The following ST7 variants were observed in gnomAD, a reference collection of about 807,000 sequenced individuals.
ST7 encodes suppressor of tumorigenicity 7 protein.
In ST7, 28 loss-of-function variants were observed where a neutral mutation model predicts 78.7. The observed-to-expected ratio is 0.36, with a 90% CI of 0.26 to 0.49. ST7 has a LOEUF of 0.49. ST7 is among the 20% of genes least tolerant of loss of function. The probability of loss-of-function intolerance (pLI) is 0.99; values close to 1 mark genes in which losing one functional copy is unlikely to be tolerated. For synonymous variants in ST7, 247 were observed against 249.6 expected (o/e 0.99, Z 0.10); for missense variants, 418 against 696.0 (o/e 0.60, Z 4.49).
chr7:117,103,908 A>G (rs544823563), intron 2 of ST7, among the ~76,000 whole-genome samples: 10 of 152,350 alleles, frequency 6.6e-5, no homozygotes, highest in African/African-American at 2.2e-4. Flanking sequence ...ACCGCAAATA[A>G]TCCAATTATA....
At chr7:117,204,345 C>G (rs1375332736) in intron 12 of ST7, among the ~76,000 whole-genome samples, 1 of 152,130 alleles carries the variant, frequency 6.6e-6, no homozygotes, top group East Asian at 1.9e-4. Flanking sequence ...AAATTAAAAC[C>G]AGCAAGGTGT....
intron 9 of ST7, among the ~76,000 whole-genome samples, chr7:117,166,898 A>T (rs944543849): frequency 6.6e-6 from 1 of 151,974 alleles, no homozygotes; most frequent in Non-Finnish European, 1.5e-5. Context: ...CTCAAAAAAA[A>T]AAAAGCCTTT....
At chr7:117,027,756 T>C (rs2116118051) in intron 1 of ST7, among the ~76,000 whole-genome samples, 1 of 152,194 alleles carries the variant, frequency 6.6e-6, no homozygotes, top group African/African-American at 2.4e-5. Context: ...CACCAGTCTG[T>C]GTCACATTAT....
chr7:117,147,925 T>A (rs1397730341), intron 9 of ST7, among the ~76,000 whole-genome samples: 3 of 152,152 alleles, frequency 2.0e-5, no homozygotes, highest in African/African-American at 7.2e-5. Context: ...TGGGGAGAAT[T>A]TATGGTCACT....
At chr7:116,959,560 C>T (rs1434915336) in intron 1 of ST7, 1 of 238,106 alleles carries the variant, frequency 4.2e-6, no homozygotes, top group Non-Finnish European at 8.2e-6. Context: ...TACAATTGAT[C>T]AAATGCATTA....
Position 117,188,269 on chromosome 7 carries a change from G to C in ST7, c.1079-1052G>C, listed in dbSNP as rs146319873. Among the ~76,000 whole-genome samples, 344 of 152,188 alleles carry C rather than the reference G, an allele frequency of 2.3e-3. 3 individuals carry two copies. The highest frequency in any genetic ancestry group is 7.5e-3 in the African/African-American group (312 of 41,534). On this transcript the variant is annotated intron_variant, in intron 10 of 15. Coordinates refer to ENST00000323984, the MANE Select transcript of ST7 (RefSeq NM_001369598.1). ...TTCTATTTTTCATTTCTACTTTACTGTAATCCTTTCTAAGTTGAAAACAGC... is the reference window on the plus strand; with the variant it reads ...TTCTATTTTTCATTTCTACTTTACTCTAATCCTTTCTAAGTTGAAAACAGC...
Position 117,190,371 on chromosome 7 carries a change from A to G in ST7, c.1152-463A>G, listed in dbSNP as rs1344361671. ...ACCCTCTGCCGGAATGGCCCCAAGC[A>G]GGCTCGCCTGCTGCTGAAGCTGCAA... On this transcript the variant is annotated intron_variant, in intron 11 of 15. Transcript: ENST00000323984. The surrounding 1 kb of genome is among the most constrained non-coding windows in gnomAD (Gnocchi z 5.2). The G allele has an allele frequency of 5.9e-6, 1 of 170,268 alleles. No individual in the cohort carries two copies. Among genetic ancestry groups the G allele is most frequent in the Non-Finnish European group, 1.4e-5 (1 of 71,122 alleles). The allele number at this position is 170,268 out of a possible 1,614,324, so 10.5% of individuals were successfully genotyped here. A position where few individuals can be genotyped will look rare whatever the true frequency, so the allele number is the denominator to read the frequency against.
intron 9 of ST7, among the ~76,000 whole-genome samples, chr7:117,150,361 A>G (rs1806152481): frequency 6.6e-6 from 1 of 152,090 alleles, no homozygotes; most frequent in Non-Finnish European, 1.5e-5. Context: ...TAAGCTTTAC[A>G]TTGCCTAAAA....
intron 1 of ST7, among the ~76,000 whole-genome samples, chr7:117,032,387 T>C (rs1796648639): frequency 6.6e-6 from 1 of 152,070 alleles, no homozygotes; most frequent in Admixed American, 6.6e-5. Context: ...ATTAGAAAGG[T>C]CTGAATTTAT....
chr7:117,218,590 C>G (rs966582517), intron 13 of ST7, among the ~76,000 whole-genome samples: 1 of 152,108 alleles, frequency 6.6e-6, no homozygotes, highest in Non-Finnish European at 1.5e-5. Context: ...TGTTTTTATT[C>G]ATCTTGATTG....
At chr7:117,221,809 TCCCA>T in intron 14 of ST7, 110 bp from the exon 15 acceptor site, 1 of 1,226,374 alleles carries the variant, frequency 8.2e-7, no homozygotes, top group Non-Finnish European at 1.1e-6. Flanking sequence ...TTTTTTCATT[TCCCA>T]TAGGCTTCCA....
intron 10 of ST7, among the ~76,000 whole-genome samples, chr7:117,186,980 A>C (rs998730705): frequency 1.3e-5 from 2 of 152,226 alleles, no homozygotes; most frequent in Non-Finnish European, 2.9e-5. Context: ...TATATTGCCT[A>C]AGTGCTCTGC....
chr7:117,132,171 T>C (rs573891328), intron 6 of ST7, among the ~76,000 whole-genome samples: 33 of 151,930 alleles, frequency 2.2e-4, no homozygotes, highest in African/African-American at 7.7e-4. Flanking sequence ...TCAATGGCTT[T>C]GCTGTGATCC....
intron 1 of ST7, among the ~76,000 whole-genome samples, chr7:117,037,812 G>A (rs1387125002): frequency 6.6e-6 from 1 of 152,160 alleles, no homozygotes; most frequent in East Asian, 1.9e-4. Context: ...CAACCTGTAA[G>A]CTCTCTTCTC....
rs558832568 is a variant in ST7, at chr7:117,150,913, C to T, written c.963+12381C>T. ...CACATTACATCTACTTAGTTGCTCA[C>T]GTGAAAAACCTAGGAGTTATCCTTG... On this transcript the variant is annotated intron_variant, in intron 9 of 15. Coordinates refer to ENST00000323984, the MANE Select transcript of ST7 (RefSeq NM_001369598.1). 3.3e-5 allele frequency among the ~76,000 whole-genome samples: 5 copies of T among 152,332 alleles called. No homozygotes were observed. The South Asian group carries it at 6.2e-4, about 19-fold the overall frequency.
At chr7:116,994,279 T>G (rs976385271) in intron 1 of ST7, among the ~76,000 whole-genome samples, 7 of 152,234 alleles carry the variant, frequency 4.6e-5, no homozygotes, top group African/African-American at 1.7e-4. Context: ...TATGACTAAC[T>G]TATTTCACTT....
intron 1 of ST7, among the ~76,000 whole-genome samples, chr7:117,010,974 C>T (rs1010271040): frequency 6.6e-6 from 1 of 152,134 alleles, no homozygotes; most frequent in Non-Finnish European, 1.5e-5. Context: ...TGAAAAGCTT[C>T]ACACTCTGTG....
chr7:117,106,294 G>A (rs565024888), intron 2 of ST7, among the ~76,000 whole-genome samples: 360 of 152,266 alleles, frequency 2.4e-3, no homozygotes, highest in Non-Finnish European at 4.1e-3. Flanking sequence ...CACCGCACCC[G>A]GCCAGGAAAT....
intron 1 of ST7, among the ~76,000 whole-genome samples, chr7:117,054,108 G>A (rs1461386755): frequency 1.3e-5 from 2 of 152,054 alleles, no homozygotes; most frequent in East Asian, 1.9e-4. Context: ...AAAGTGCTGC[G>A]ATTACAGGCA....
Sources: allele counts gnomAD v4.1 joint callset (sites outside exome capture counted in the v4.1 genomes callset), GRCh38; gene constraint gnomAD v4.1.1; non-coding constraint Gnocchi (gnomAD v3.1); transcripts MANE v1.5; gene names NCBI Gene and HGNC (gene_info 2026-07-23, HGNC 2026-07-21).